The following KPNA3 variants were observed in gnomAD, a reference collection of about 807,000 sequenced individuals.
KPNA3 encodes the protein karyopherin subunit alpha 3, also known as importin subunit alpha-4.
In KPNA3, 13 loss-of-function variants were observed where a neutral mutation model predicts 73.8. The observed-to-expected ratio is 0.18, with a 90% CI of 0.11 to 0.28. KPNA3 has a LOEUF of 0.28. Ranked by LOEUF, KPNA3 falls within the 10% of genes least tolerant of loss-of-function variation. KPNA3 has a pLI of 1.00. For synonymous variants in KPNA3, 186 were observed against 206.9 expected (o/e 0.90, Z 0.87); for missense variants, 360 against 618.1 (o/e 0.58, Z 4.43).
Position 49,737,575 on chromosome 13 carries a change from G to A in KPNA3, c.115-4529C>T, listed in dbSNP as rs28887489. Among the ~76,000 whole-genome samples the A allele has an allele frequency of 3.2e-4, 8 of 25,366 alleles. No homozygotes were observed. The Admixed American group carries it at 3.4e-3, about 11-fold the overall frequency. The allele number at this position is 25,366 out of a possible 152,430, so 16.6% of individuals were successfully genotyped here. ...AGTGTGTGTGTCTGTGTGTGTGTGTGTGTGTGTGTGTGTGTGTGTGTGTGT... is the reference window on the plus strand; with the variant it reads ...AGTGTGTGTGTCTGTGTGTGTGTGTATGTGTGTGTGTGTGTGTGTGTGTGT... On this transcript the variant is annotated intron_variant, in intron 2 of 16. Coordinates refer to ENST00000261667, the MANE Select transcript of KPNA3 (RefSeq NM_002267.4).
At chr13:49,752,675 T>C (rs1954673309) in intron 1 of KPNA3, among the ~76,000 whole-genome samples, 1 of 151,926 alleles carries the variant, frequency 6.6e-6, no homozygotes, top group Non-Finnish European at 1.5e-5. Context: ...AAACAACAGA[T>C]AATGCTTAAG....
At chr13:49,785,937 G>A (rs1954978781) in intron 1 of KPNA3, among the ~76,000 whole-genome samples, 1 of 152,154 alleles carries the variant, frequency 6.6e-6, no homozygotes, top group Non-Finnish European at 1.5e-5. Flanking sequence ...GCATACTCCT[G>A]GGCTTGATCC....
At chr13:49,777,550 G>C (rs1028395309) in intron 1 of KPNA3, among the ~76,000 whole-genome samples, 2 of 152,122 alleles carry the variant, frequency 1.3e-5, no homozygotes, top group African/African-American at 4.8e-5. Flanking sequence ...TGTCACGTGG[G>C]CTGGAGTGCA....
chr13:49,746,783 C>T (rs548069068), intron 2 of KPNA3, among the ~76,000 whole-genome samples, 166 bp downstream of exon 2: 1 of 152,166 alleles, frequency 6.6e-6, no homozygotes, highest in Non-Finnish European at 1.5e-5. Context: ...CTAGTACCCT[C>T]AGTAAATGAA....
chr13:49,707,145 C>T (rs1954215444), intron 12 of KPNA3, among the ~76,000 whole-genome samples: 1 of 152,178 alleles, frequency 6.6e-6, no homozygotes, highest in Non-Finnish European at 1.5e-5. Flanking sequence ...AAGATATAGT[C>T]ATTCAAGTAT....
intron 1 of KPNA3, among the ~76,000 whole-genome samples, chr13:49,779,969 T>C (rs1367607656): frequency 6.6e-6 from 1 of 152,184 alleles, no homozygotes; most frequent in Non-Finnish European, 1.5e-5. Context: ...TACACCATTT[T>C]CCTGCTAAGC....
chr13:49,752,021 A>G (rs923484801), intron 1 of KPNA3, among the ~76,000 whole-genome samples: 1 of 152,218 alleles, frequency 6.6e-6, no homozygotes, highest in Admixed American at 6.5e-5. Flanking sequence ...GCATATATGC[A>G]GAAGAAAATG....
At chr13:49,753,022 G>A (rs1178208910) in intron 1 of KPNA3, among the ~76,000 whole-genome samples, 1 of 67,202 alleles carries the variant, frequency 1.5e-5, no homozygotes, top group Non-Finnish European at 2.5e-5. Context: ...GCGAGACTCT[G>A]TCTCAAAAAA....
chr13:49,757,038 T>TA (rs950346104), intron 1 of KPNA3, among the ~76,000 whole-genome samples: 11 of 151,948 alleles, frequency 7.2e-5, no homozygotes, highest in African/African-American at 2.7e-4. Flanking sequence ...CCTCACACCT[T>TA]AAAAAAAATT....
chr13:49,715,230 A>G (rs1954294355), intron 10 of KPNA3, among the ~76,000 whole-genome samples: 1 of 152,128 alleles, frequency 6.6e-6, no homozygotes, highest in African/African-American at 2.4e-5. Flanking sequence ...ATCATAGTCA[A>G]AGACAAAAGA....
intron 2 of KPNA3, among the ~76,000 whole-genome samples, chr13:49,745,382 CAG>C (rs1443912682): frequency 6.7e-6 from 1 of 148,266 alleles, no homozygotes; most frequent in Admixed American, 6.8e-5. Context: ...TTTTTTGAGA[CAG>C]AGTCTCGCTC....
rs1394179688 is a variant in KPNA3, at chr13:49,726,030, C to T, written c.384-529G>A. Among the ~76,000 whole-genome samples, 6 of 152,184 alleles carry T rather than the reference C, an allele frequency of 3.9e-5. No individual in the cohort carries two copies. In the East Asian group the frequency reaches 1.2e-3, roughly 29 times the overall value. ...TGTCCACTGGTATTACAACATTTAG[C>T]CAGTCATTATTTCCCTTGACTTCGA... On this transcript the variant is annotated intron_variant, in intron 6 of 16. Coordinates refer to ENST00000261667, the MANE Select transcript of KPNA3 (RefSeq NM_002267.4).
At chr13:49,791,061 G>T (rs1428158008) in intron 1 of KPNA3, among the ~76,000 whole-genome samples, 1 of 152,206 alleles carries the variant, frequency 6.6e-6, no homozygotes, top group Non-Finnish European at 1.5e-5. Context: ...GACCAGGAAA[G>T]AATATATGAT....
intron 2 of KPNA3, among the ~76,000 whole-genome samples, chr13:49,735,391 G>A (rs1954512961): frequency 6.6e-6 from 1 of 152,136 alleles, no homozygotes; most frequent in African/African-American, 2.4e-5. Context: ...AAAAGTGGTA[G>A]GGTTACAGTC....
intron 1 of KPNA3, among the ~76,000 whole-genome samples, chr13:49,762,386 C>T (rs1284798931): frequency 2.0e-5 from 3 of 152,126 alleles, no homozygotes; most frequent in Admixed American, 6.5e-5. Context: ...TCATCGAGAA[C>T]GGGCCATGAT....
intron 10 of KPNA3, among the ~76,000 whole-genome samples, chr13:49,718,095 A>G (rs1461569116): frequency 6.6e-6 from 1 of 152,154 alleles, no homozygotes; most frequent in African/African-American, 2.4e-5. Context: ...TATGGCTCTC[A>G]TTCATTGCAT....
At chr13:49,734,954 T>TAGATAGAGAG (rs144444749) in intron 2 of KPNA3, among the ~76,000 whole-genome samples, 27 of 145,904 alleles carry the variant, frequency 1.9e-4, no homozygotes, top group Non-Finnish European at 3.9e-4. Flanking sequence ...GAGAGATAGA[T>TAGATAGAGAG]AGAGAGAGAG....
At position 49,788,832 on chromosome 13, in the gene KPNA3, C is replaced by T. The variant is rs577654380; in HGVS notation, c.69+3606G>A. On this transcript the variant is annotated intron_variant, in intron 1 of 16. Transcript: ENST00000261667. ...TTTGCTACAAAATGCATCCCCTACC[C>T]AAGCTCCAAATTTCTATCAGTGATG... 9.9e-5 allele frequency among the ~76,000 whole-genome samples: 15 copies of T among 151,388 alleles called. No homozygotes were observed. The South Asian group carries it at 2.7e-3, about 27-fold the overall frequency.
chr13:49,702,770 C>T (rs1954159587), intron 15 of KPNA3, among the ~76,000 whole-genome samples: 1 of 152,178 alleles, frequency 6.6e-6, no homozygotes, highest in Non-Finnish European at 1.5e-5. Flanking sequence ...GAAGCTGTGG[C>T]ATAAATATGT....
Sources: allele counts gnomAD v4.1 joint callset (sites outside exome capture counted in the v4.1 genomes callset), GRCh38; gene constraint gnomAD v4.1.1; transcripts MANE v1.5; gene names NCBI Gene and HGNC (gene_info 2026-07-23, HGNC 2026-07-21).